Variants in STX12 observed in about 807,000 individuals in gnomAD.
The protein encoded by STX12 is syntaxin-12.
Under a neutral mutation model 42.2 loss-of-function variants are expected in STX12, and 17 were observed. That is an observed-to-expected ratio of 0.40 (90% CI 0.28 to 0.60). STX12 has a LOEUF of 0.60. STX12 is among the 20% of genes least tolerant of loss of function. The pLI is 0.39. For missense variants in STX12, 297 were observed against 330.9 expected, an observed-to-expected ratio of 0.90 and a Z score of 0.79; for synonymous variants, 108 against 116.7, an observed-to-expected ratio of 0.93 and a Z score of 0.48.
intron 7 of STX12, 169 bp downstream of exon 7, chr1:27,818,092 A>C: frequency 1.7e-6 from 1 of 592,446 alleles, no homozygotes. Context: ...AAGAAAGAAA[A>C]AGGAGTTAGG....
chr1:27,792,120 ATATATATCTATATATG>A (rs1020298818), intron 2 of STX12, among the ~76,000 whole-genome samples: 1 of 136,252 alleles, frequency 7.3e-6, no homozygotes, highest in Non-Finnish European at 1.5e-5. Context: ...TAAATATATA[ATATATATCTATATATG>A]TATATATCTA....
At chr1:27,818,432 G>A (rs2088958005) in intron 7 of STX12, among the ~76,000 whole-genome samples, 1 of 151,364 alleles carries the variant, frequency 6.6e-6, no homozygotes, top group African/African-American at 2.4e-5. Context: ...TAGAGTTAAA[G>A]TATGTTTAGG....
At chr1:27,783,164 A>C (rs1004163454) in intron 1 of STX12, among the ~76,000 whole-genome samples, 4 of 152,226 alleles carry the variant, frequency 2.6e-5, no homozygotes, top group Non-Finnish European at 5.9e-5. Context: ...ATATCAGCTT[A>C]AAGTACAAAA....
At chr1:27,776,091 A>G (rs977359986) in intron 1 of STX12, among the ~76,000 whole-genome samples, 1 of 152,144 alleles carries the variant, frequency 6.6e-6, no homozygotes, top group African/African-American at 2.4e-5. Flanking sequence ...AAGAAAGGAA[A>G]GGATAGGAGA....
At position 27,792,287 on chromosome 1, in the gene STX12, G is replaced by GTAT. The variant is rs2088753505; in HGVS notation, c.189-1246_189-1245insTAT. 1.5e-4 allele frequency among the ~76,000 whole-genome samples: 11 copies of GTAT among 71,858 alleles called. No homozygotes were observed. In the African/African-American group the frequency reaches 1.7e-3, roughly 11 times the overall value. 47.1% of individuals were successfully genotyped at this position (71,858 alleles called of 152,430 possible). On this transcript the variant is annotated intron_variant, in intron 2 of 8. Transcript: ENST00000373943. Reference sequence around the variant, plus strand: ...ATATATATGTATCTATATATATGTAGATACATATATATGTATCTATATATA... The same window carrying GTAT: ...ATATATATGTATCTATATATATGTAGTATATACATATATATGTATCTATATATA...
chr1:27,800,142 G>C (rs1302736847), intron 3 of STX12, among the ~76,000 whole-genome samples: 1 of 152,190 alleles, frequency 6.6e-6, no homozygotes, highest in Non-Finnish European at 1.5e-5. Flanking sequence ...TAAACGTGTA[G>C]TTCCAACCAA....
chr1:27,789,941 A>G (rs192335403), intron 2 of STX12, among the ~76,000 whole-genome samples: 173 of 152,292 alleles, frequency 1.1e-3, no homozygotes, highest in African/African-American at 4.0e-3. Context: ...CTCTGCCTAA[A>G]TGAGCTTCCT....
chr1:27,778,099 G>A (rs2088639134), intron 1 of STX12, among the ~76,000 whole-genome samples: 1 of 152,064 alleles, frequency 6.6e-6, no homozygotes, highest in African/African-American at 2.4e-5. Context: ...AGCCCTGCAA[G>A]GACTTGTACC....
In STX12 at chr1:27,822,857, A is replaced by G. The variant is rs999675527; in HGVS notation, c.*528A>G. 1 of 152,828 alleles carries G rather than the reference A, an allele frequency of 6.5e-6. No individual in the cohort carries two copies. The highest frequency in any genetic ancestry group is 2.4e-5 in the African/African-American group (1 of 41,418). The allele number at this position is 152,828 out of a possible 1,614,324, so 9.5% of individuals were successfully genotyped here. ...AGATTTTGGCACTATATTTAATTGG[A>G]AGGTAAAATATTGTACATGTGATCC... On this transcript the variant is annotated 3_prime_UTR_variant, in exon 9 of 9. Transcript: ENST00000373943.
chr1:27,801,185 G>A (rs986659609), intron 3 of STX12, among the ~76,000 whole-genome samples: 7 of 152,156 alleles, frequency 4.6e-5, no homozygotes, highest in Non-Finnish European at 2.9e-5. Flanking sequence ...GATCACCTGA[G>A]GTGAGGAGTT....
rs558412131 is a variant in STX12 at position 27,810,011 on chromosome 1, C to T, written c.427-235C>T. ...AGCCCTTTCTCCTACGCATATTATTCTCCACCCTGTTCAGTATGGTTTCTG... is the reference window on the plus strand; with the variant it reads ...AGCCCTTTCTCCTACGCATATTATTTTCCACCCTGTTCAGTATGGTTTCTG... On this transcript the variant is annotated intron_variant, in intron 4 of 8. Coordinates refer to ENST00000373943, the MANE Select transcript of STX12 (RefSeq NM_177424.3). The T allele has an allele frequency of 3.2e-4, 127 of 391,128 alleles. 1 individual carries two copies. Among genetic ancestry groups the T allele is most frequent in the Admixed American group, 6.2e-4 (15 of 24,290 alleles). The allele number at this position is 391,128 out of a possible 1,614,324, so 24.2% of individuals were successfully genotyped here. A position where few individuals can be genotyped will look rare whatever the true frequency, so the allele number is the denominator to read the frequency against.
intron 6 of STX12, among the ~76,000 whole-genome samples, chr1:27,814,232 G>A (rs572186635): frequency 6.6e-6 from 1 of 152,106 alleles, no homozygotes; most frequent in Non-Finnish European, 1.5e-5. Context: ...TGAATTAATT[G>A]TCTAACATTA....
intron 2 of STX12, among the ~76,000 whole-genome samples, chr1:27,792,649 A>G (rs909046886): frequency 6.6e-6 from 1 of 151,986 alleles, no homozygotes; most frequent in Non-Finnish European, 1.5e-5. Flanking sequence ...ATAAACAACA[A>G]CTTTATTTCC....
intron 4 of STX12, among the ~76,000 whole-genome samples, chr1:27,809,118 G>A (rs1447688032): frequency 2.0e-5 from 3 of 152,018 alleles, no homozygotes; most frequent in African/African-American, 7.2e-5. Flanking sequence ...GGCGGATCAC[G>A]AGGTCAGGAG....
chr1:27,818,684 C>T (rs1034793539), intron 7 of STX12, among the ~76,000 whole-genome samples: 5 of 150,606 alleles, frequency 3.3e-5, no homozygotes, highest in Non-Finnish European at 2.9e-5. Context: ...GGCTGGAGTG[C>T]GATGGTGCGA....
chr1:27,783,364 G>A (rs911828256), intron 1 of STX12, among the ~76,000 whole-genome samples: 3 of 151,902 alleles, frequency 2.0e-5, no homozygotes, highest in Admixed American at 6.6e-5. Context: ...AGATGGAGTC[G>A]CGCTCTGTTG....
At chr1:27,804,445 G>T (rs867644858) in intron 4 of STX12, among the ~76,000 whole-genome samples, 4 of 148,702 alleles carry the variant, frequency 2.7e-5, no homozygotes. Context: ...ATATCATTAA[G>T]TTATCTTCTT....
rs533185246 is a variant in STX12 at position 27,786,651 on chromosome 1, C to CTGAA, written c.119-2891_119-2888dup. On this transcript the variant is annotated intron_variant, in intron 1 of 8. Transcript: ENST00000373943. ...AATAGTGTAGAGTAGATACTCTACT[C>CTGAA]TGAATGAATGAATGAATGAATGAGT... Among the ~76,000 whole-genome samples, 331 of 152,006 alleles carry CTGAA rather than the reference C, an allele frequency of 2.2e-3. 2 individuals are homozygous for CTGAA. Among genetic ancestry groups the CTGAA allele is most frequent in the East Asian group, 0.01 (53 of 5,174 alleles).
intron 3 of STX12, among the ~76,000 whole-genome samples, chr1:27,800,062 G>C (rs1222153718): frequency 6.6e-6 from 1 of 152,188 alleles, no homozygotes; most frequent in African/African-American, 2.4e-5. Context: ...GCCTAGCTTG[G>C]CATTTAAAAC....
Sources: allele counts gnomAD v4.1 joint callset (sites outside exome capture counted in the v4.1 genomes callset), GRCh38; gene constraint gnomAD v4.1.1; transcripts MANE v1.5; gene names NCBI Gene and HGNC (gene_info 2026-07-23, HGNC 2026-07-21).